ACTR3C: variants seen among roughly 807,000 people sequenced by gnomAD.
ACTR3C encodes the protein actin related protein 3C.
ACTR3C carries 18 observed loss-of-function variants against 26.3 expected under a neutral mutation model. That is an observed-to-expected ratio of 0.68 (90% confidence interval 0.47 to 1.01). ACTR3C has a LOEUF of 1.01. ACTR3C is among the 50% of genes least tolerant of loss of function. The probability of loss-of-function intolerance (pLI) is 0.00; values close to 1 mark genes in which losing one functional copy is unlikely to be tolerated. For synonymous variants in ACTR3C, 55 were observed against 94.5 expected (o/e 0.58, Z 2.42); for missense variants, 184 against 250.7 (o/e 0.73, Z 1.80).
chr7:150,238,163 A>C, the ACTR3C span, among the ~76,000 whole-genome samples: 1 of 135,686 alleles, frequency 7.4e-6, no homozygotes, highest in Non-Finnish European at 1.5e-5. Flanking sequence ...TATAATAATT[A>C]GAACTAGAAG....
intron 1 of ACTR3C, among the ~76,000 whole-genome samples, chr7:150,304,569 C>A (rs1427699882): frequency 6.6e-6 from 1 of 152,182 alleles, no homozygotes; most frequent in East Asian, 1.9e-4. Flanking sequence ...CAGTCAGACC[C>A]TTCGACCTCA....
At chr7:150,086,330 A>T in the ACTR3C span, among the ~76,000 whole-genome samples, 2 of 152,386 alleles carry the variant, frequency 1.3e-5, no homozygotes, top group African/African-American at 4.8e-5. Flanking sequence ...ATTCATGGTC[A>T]TAGATAAGGT....
At chr7:150,315,268 TG>T (rs891736127) in intron 1 of ACTR3C, among the ~76,000 whole-genome samples, 3 of 152,026 alleles carry the variant, frequency 2.0e-5, no homozygotes, top group African/African-American at 7.2e-5. Flanking sequence ...TCATTAAAAT[TG>T]AACGTCATCG....
chr7:150,049,770 T>G, the ACTR3C span, among the ~76,000 whole-genome samples: 4 of 152,232 alleles, frequency 2.6e-5, no homozygotes, highest in African/African-American at 9.6e-5. Flanking sequence ...CAGTGTGTAG[T>G]TTTTGGTTTA....
the ACTR3C span, among the ~76,000 whole-genome samples, chr7:149,898,546 A>T: frequency 2.0e-5 from 3 of 151,986 alleles, no homozygotes; most frequent in East Asian, 3.9e-4. Context: ...TCTACTAAAA[A>T]TACAAAAATT....
chr7:150,232,084 T>C, the ACTR3C span, among the ~76,000 whole-genome samples: 10 of 152,204 alleles, frequency 6.6e-5, no homozygotes, highest in Admixed American at 2.0e-4. Context: ...AAGATTGTTG[T>C]CTTTTTTGAG....
intron 1 of ACTR3C, among the ~76,000 whole-genome samples, chr7:150,322,053 G>A (rs976568805): frequency 6.6e-6 from 1 of 152,226 alleles, no homozygotes; most frequent in African/African-American, 2.4e-5. Flanking sequence ...GGGACAAACA[G>A]GCATTTTGTG....
At chr7:150,131,092 T>C in the ACTR3C span, among the ~76,000 whole-genome samples, 3 of 152,200 alleles carry the variant, frequency 2.0e-5, no homozygotes, top group Admixed American at 2.0e-4. Context: ...CTCACTAAAA[T>C]GCACTCTTAA....
chr7:150,011,776 T>G, the ACTR3C span, among the ~76,000 whole-genome samples: 5 of 152,260 alleles, frequency 3.3e-5, no homozygotes, highest in South Asian at 2.1e-4. Flanking sequence ...AGAAAACAAG[T>G]AGTACAACAA....
At chr7:149,948,527 A>C in the ACTR3C span, among the ~76,000 whole-genome samples, 1 of 150,384 alleles carries the variant, frequency 6.6e-6, no homozygotes, top group African/African-American at 2.5e-5. Flanking sequence ...TTCCTGCCCC[A>C]CCCTCTCCAT....
chr7:150,246,092 C>T (rs1832449959), downstream of ACTR3C: 6 of 152,152 alleles, frequency 3.9e-5, no homozygotes, highest in South Asian at 1.2e-3. Context: ...GGAATTGGTT[C>T]AATAGCCAGT....
At chr7:150,033,225 A>C in the ACTR3C span, among the ~76,000 whole-genome samples, 4 of 152,130 alleles carry the variant, frequency 2.6e-5, no homozygotes, top group Admixed American at 6.5e-5. Flanking sequence ...CACTCTGATC[A>C]GCCCAGGACT....
At chr7:150,037,250 C>T in the ACTR3C span, among the ~76,000 whole-genome samples, 1 of 48,628 alleles carries the variant, frequency 2.1e-5, no homozygotes, top group African/African-American at 7.8e-5. Context: ...AAGATTTGAA[C>T]TTTCTACTTG....
chr7:150,180,830 T>C, the ACTR3C span, among the ~76,000 whole-genome samples: 2 of 149,498 alleles, frequency 1.3e-5, no homozygotes, highest in Non-Finnish European at 2.9e-5. Context: ...CATTTTAATG[T>C]ATATTATTTT....
the ACTR3C span, among the ~76,000 whole-genome samples, chr7:150,051,747 C>T: frequency 2.7e-4 from 41 of 149,528 alleles, no homozygotes; most frequent in Non-Finnish European, 5.5e-4. Flanking sequence ...AACAAATTTA[C>T]AAAACAAATA....
intron 6 of ACTR3C, among the ~76,000 whole-genome samples, chr7:150,257,255 G>A (rs1229519949): frequency 6.6e-6 from 1 of 152,140 alleles, no homozygotes; most frequent in Non-Finnish European, 1.5e-5. Flanking sequence ...AAGCCAGAGG[G>A]CCTCTGTGCT....
the ACTR3C span, among the ~76,000 whole-genome samples, chr7:150,193,775 A>G: frequency 1.3e-5 from 2 of 151,974 alleles, no homozygotes; most frequent in East Asian, 3.8e-4. Flanking sequence ...ATTTGAGATC[A>G]TATTTCATGT....
At chr7:150,261,493 G>C (rs1178026538) in intron 6 of ACTR3C, among the ~76,000 whole-genome samples, 2 of 152,174 alleles carry the variant, frequency 1.3e-5, no homozygotes, top group Admixed American at 6.5e-5. Flanking sequence ...CCTTTATCAG[G>C]AGTTGGAGAT....
At chr7:150,308,120 G>A (rs1288749677) in intron 1 of ACTR3C, among the ~76,000 whole-genome samples, 1 of 152,102 alleles carries the variant, frequency 6.6e-6, no homozygotes, top group Non-Finnish European at 1.5e-5. Context: ...TCACTGCGGG[G>A]ACACCTGCTT....
Sources: gnomAD v4.1 joint callset for allele counts (sites outside exome capture counted in the v4.1 genomes callset) on GRCh38, gnomAD v4.1.1 for gene constraint, MANE v1.5 for transcripts, NCBI Gene and HGNC (gene_info 2026-07-23, HGNC 2026-07-21) for gene names.